PDZRN3: variants seen among roughly 807,000 people sequenced by gnomAD.
The protein encoded by PDZRN3 is E3 ubiquitin-protein ligase PDZRN3.
In PDZRN3, 38 loss-of-function variants were observed where a neutral mutation model predicts 85.7. That is an observed-to-expected ratio of 0.44 (90% confidence interval 0.34 to 0.58). PDZRN3 has a LOEUF of 0.58. Ranked by LOEUF, PDZRN3 falls within the 20% of genes least tolerant of loss-of-function variation. PDZRN3 has a pLI of 0.01. For synonymous variants in PDZRN3, 759 were observed against 638.0 expected, an observed-to-expected ratio of 1.19 and a Z score of -2.86; for missense variants, 1,629 against 1,506.4, an observed-to-expected ratio of 1.08 and a Z score of -1.35.
Position 73,384,382 on chromosome 3 carries a change from G to C in PDZRN3, c.2184C>G (p.Asn728Lys). 1 of 1,609,386 alleles carries C rather than the reference G, an allele frequency of 6.2e-7. No individual in the cohort carries two copies. The change falls in exon 10 of 10, where the codon AAC (asparagine) becomes AAG (lysine). Residue 728 changes from asparagine to lysine, a missense_variant. By Grantham distance (94) the Asn-to-Lys change is moderately conservative (BLOSUM62 0). Transcript: ENST00000263666. ...SWMLHNSGFR[N>K]YNTSIDVRRH... ...TGCGCACGTCGATGCTGGTGTTGTA[G>C]TTGCGGAAGCCGCTGTTGTGCAGCA... is the stretch of plus-strand genomic sequence containing the variant.
intron 5 of PDZRN3, among the ~76,000 whole-genome samples, chr3:73,400,660 C>T (rs1304877045): frequency 6.6e-6 from 1 of 152,172 alleles, no homozygotes; most frequent in African/African-American, 2.4e-5. Context: ...AGGTTGACAA[C>T]AGGATTTACT....
chr3:73,411,486 C>T (rs1049326362), intron 3 of PDZRN3, among the ~76,000 whole-genome samples: 4 of 152,172 alleles, frequency 2.6e-5, no homozygotes, highest in African/African-American at 9.7e-5. Context: ...GCAAGTAGGG[C>T]AGTGGGCTAG....
chr3:73,536,440 A>C (rs1296836392), intron 3 of PDZRN3, among the ~76,000 whole-genome samples: 1 of 152,200 alleles, frequency 6.6e-6, no homozygotes, highest in East Asian at 1.9e-4. Context: ...ACTGCTGCTA[A>C]GGCAGACACC....
chr3:73,560,990 A>G (rs2106828163), intron 3 of PDZRN3, among the ~76,000 whole-genome samples: 1 of 152,334 alleles, frequency 6.6e-6, no homozygotes, highest in East Asian at 1.9e-4. Context: ...ACAAGCAACT[A>G]TGTAAACAGC....
intron 3 of PDZRN3, among the ~76,000 whole-genome samples, chr3:73,412,413 C>T (rs902676332): frequency 1.3e-5 from 2 of 152,184 alleles, no homozygotes; most frequent in African/African-American, 4.8e-5. Flanking sequence ...GAAGAGTCCT[C>T]CATCAATGGA....
At chr3:73,414,846 G>A (rs1457338928) in intron 3 of PDZRN3, among the ~76,000 whole-genome samples, 1 of 152,140 alleles carries the variant, frequency 6.6e-6, no homozygotes, top group East Asian at 1.9e-4. Context: ...CTACATCAGC[G>A]ATAAACTAAA....
At chr3:73,587,285 T>A (rs1702291850) in intron 3 of PDZRN3, among the ~76,000 whole-genome samples, 1 of 152,200 alleles carries the variant, frequency 6.6e-6, no homozygotes, top group Non-Finnish European at 1.5e-5. Context: ...TTTTCCATTT[T>A]TATACATACA....
At chr3:73,425,513 GAT>G (rs1210114226) in intron 3 of PDZRN3, among the ~76,000 whole-genome samples, 1 of 151,648 alleles carries the variant, frequency 6.6e-6, no homozygotes, top group Non-Finnish European at 1.5e-5. Flanking sequence ...CCTTGTGACT[GAT>G]ATAATCCTGT....
chr3:73,384,544 G>C lies in PDZRN3; in HGVS notation c.2022C>G (p.Gly674=). 1.2e-6 allele frequency: 2 copies of C among 1,613,716 alleles called. No individual in the cohort carries two copies. Among genetic ancestry groups the C allele is most frequent in the African/African-American group, 1.3e-5 (1 of 75,068 alleles). Residue 674 remains glycine, a synonymous_variant, in exon 10 of 10, where the codon GGC becomes GGG. Transcript: ENST00000263666. ...LYYPSGPLDA[G]KSDPESVDKE... The stretch of plus-strand genomic sequence containing the variant: ...TGTCCACGCTCTCAGGGTCACTCTT[G>C]CCGGCGTCCAGGGGGCCGCTAGGGT...
chr3:73,624,730 C>T lies in PDZRN3; in HGVS notation c.96G>A (p.Pro32=), dbSNP rs773219442. ...HKVLEDPLTT[P]CGHVFCAGCV... ...AGCCGGCGCAGAAGACGTGGCCGCA[C>T]GGCGTGGTCAGCGGGTCCTCCAGGA... The change falls in exon 1 of 10, where the codon CCG becomes CCA. Residue 32 remains proline (P), a synonymous_variant. Transcript: ENST00000263666. 2 of 1,529,526 alleles carry T rather than the reference C, an allele frequency of 1.3e-6. No individual in the cohort carries two copies. Among genetic ancestry groups the T allele is most frequent in the East Asian group, 2.7e-5 (1 of 37,068 alleles). 94.7% of individuals were successfully genotyped at this position (1,529,526 alleles called of 1,614,324 possible).
chr3:73,610,139 CAA>C (rs1702660550), intron 1 of PDZRN3, among the ~76,000 whole-genome samples: 2 of 152,164 alleles, frequency 1.3e-5, no homozygotes, highest in South Asian at 4.2e-4. Context: ...ACTGTAAAAA[CAA>C]AAATGACAAT....
chr3:73,582,099 C>CA (rs921668044), intron 3 of PDZRN3, among the ~76,000 whole-genome samples: 5 of 151,836 alleles, frequency 3.3e-5, no homozygotes, highest in African/African-American at 1.2e-4. Context: ...GACCCTGTCT[C>CA]AAAAAAGAAA....
chr3:73,492,983 C>CATTT (rs1559707030), intron 3 of PDZRN3, among the ~76,000 whole-genome samples: 1,379 of 29,322 alleles, frequency 0.047, 33 homozygotes, highest in African/African-American at 0.078. Context: ...GGCTTTTCAA[C>CATTT]CTTTTTTTTT....
At chr3:73,450,082 CT>C (rs1702828410) in intron 3 of PDZRN3, among the ~76,000 whole-genome samples, 1 of 152,158 alleles carries the variant, frequency 6.6e-6, no homozygotes, top group Admixed American at 6.5e-5. Context: ...AATTAAAGAC[CT>C]CTGAAGGAAG....
chr3:73,472,765 A>C (rs1293914204), intron 3 of PDZRN3, among the ~76,000 whole-genome samples: 1 of 152,228 alleles, frequency 6.6e-6, no homozygotes, highest in East Asian at 1.9e-4. Flanking sequence ...GGCTGAGAAA[A>C]ACAAATTATG....
intron 4 of PDZRN3, among the ~76,000 whole-genome samples, chr3:73,403,419 C>T (rs1701793496): frequency 6.6e-6 from 1 of 152,140 alleles, no homozygotes; most frequent in Admixed American, 6.5e-5. Context: ...TGAGCACTTC[C>T]CACATATTGT....
intron 3 of PDZRN3, among the ~76,000 whole-genome samples, chr3:73,523,312 C>A (rs1209681393): frequency 6.6e-6 from 1 of 152,072 alleles, no homozygotes. Context: ...TAGGCATAAG[C>A]CACCATACGG....
At position 73,454,491 on chromosome 3, in the gene PDZRN3, C is replaced by T. The variant is rs1311615648; in HGVS notation, c.919-50096G>A. Among the ~76,000 whole-genome samples, 3 of 152,304 alleles carry T rather than the reference C, an allele frequency of 2.0e-5. No homozygotes were observed. In the East Asian group the frequency reaches 5.8e-4, roughly 29 times the overall value. ...GCTGATTTGAGTCGTCCAAGAGTTC[C>T]TGATACCTGACTTTGGGAAGGACGA... On this transcript the variant is annotated intron_variant, in intron 3 of 9. Transcript: ENST00000263666.
chr3:73,434,707 C>T (rs1171191447), intron 3 of PDZRN3, among the ~76,000 whole-genome samples: 7 of 152,194 alleles, frequency 4.6e-5, no homozygotes, highest in African/African-American at 2.4e-5. Context: ...CTGGTTACTA[C>T]GGATCTGTAT....
Sources: allele counts gnomAD v4.1 joint callset (sites outside exome capture counted in the v4.1 genomes callset), GRCh38; gene constraint gnomAD v4.1.1; transcripts MANE v1.5; gene names NCBI Gene and HGNC (gene_info 2026-07-23, HGNC 2026-07-21).